Variants in KCNMA1 observed in about 807,000 individuals in gnomAD.
The protein encoded by KCNMA1 is Calcium-activated potassium channel subunit alpha-1.
KCNMA1 carries 29 observed loss-of-function variants against 140.0 expected under a neutral mutation model. The observed-to-expected ratio is 0.21, with a 90% CI of 0.15 to 0.28. The LOEUF is 0.28. Ranked by LOEUF, KCNMA1 falls within the 10% of genes least tolerant of loss-of-function variation. The probability of loss-of-function intolerance (pLI) is 1.00; values close to 1 mark genes in which losing one functional copy is unlikely to be tolerated. For missense variants in KCNMA1, 880 were observed against 1,602.2 expected (o/e 0.55, Z 7.70); for synonymous variants, 612 against 611.9 (o/e 1.00, Z 0.00).
At chr10:77,176,779 T>C (rs1420395156) in intron 5 of KCNMA1, among the ~76,000 whole-genome samples, 1 of 152,190 alleles carries the variant, frequency 6.6e-6, no homozygotes, top group Non-Finnish European at 1.5e-5. Flanking sequence ...GGCAGAACGA[T>C]GACCCTCAAA....
chr10:77,034,500 G>T (rs1285961017), intron 15 of KCNMA1, among the ~76,000 whole-genome samples: 1 of 152,172 alleles, frequency 6.6e-6, no homozygotes, highest in Non-Finnish European at 1.5e-5. Context: ...TCCCCAAGCG[G>T]CTTCTTTTTA....
intron 14 of KCNMA1, among the ~76,000 whole-genome samples, chr10:77,070,219 A>G (rs1261492176): frequency 6.6e-6 from 1 of 152,024 alleles, no homozygotes; most frequent in Admixed American, 6.6e-5. Context: ...TCACACCTAT[A>G]TAATCCCAGC....
At chr10:77,197,800 A>G (rs570514644) in intron 3 of KCNMA1, among the ~76,000 whole-genome samples, 1 of 152,308 alleles carries the variant, frequency 6.6e-6, no homozygotes, top group Admixed American at 6.5e-5. Flanking sequence ...AAGGACCTAC[A>G]TCAAAGAGTC....
rs150763349 is a variant in KCNMA1, at chr10:77,161,357, C to T, written c.808+22064G>A. On this transcript the variant is annotated intron_variant, in intron 5 of 27. Transcript: ENST00000286628. ...CAACCTCTTTGCCTCAAGCGATCCTCCTGCCTCAGCTTCCCAAGTAGTTAG... is the reference window on the plus strand; with the variant it reads ...CAACCTCTTTGCCTCAAGCGATCCTTCTGCCTCAGCTTCCCAAGTAGTTAG... Among the ~76,000 whole-genome samples the T allele has an allele frequency of 6.1e-3, 932 of 152,256 alleles. 3 individuals are homozygous for T. The highest frequency in any genetic ancestry group is 8.9e-3 in the Non-Finnish European group (607 of 68,012).
At chr10:77,126,343 C>T (rs546474810) in intron 5 of KCNMA1, among the ~76,000 whole-genome samples, 1 of 152,170 alleles carries the variant, frequency 6.6e-6, no homozygotes, top group African/African-American at 2.4e-5. Context: ...ATTATATGAT[C>T]AATTCTTAAA....
Position 77,198,923 on chromosome 10 carries a change from G to C in KCNMA1, c.603-14007C>G, listed in dbSNP as rs11002075. Among the ~76,000 whole-genome samples, 2,842 of 152,128 alleles carry C rather than the reference G, an allele frequency of 0.019. 189 individuals are homozygous for C. In the East Asian group the frequency reaches 0.23, roughly 12 times the overall value. On this transcript the variant is annotated intron_variant, in intron 3 of 27. Transcript: ENST00000286628. ...GGAGTTCAGCCTTCTGATTCCCTGC[G>C]TGTATGATGGAGGCCTTGATAGGGA...
rs1188251286 is a variant in KCNMA1 at position 76,885,266 on chromosome 10, AT to A, written c.*1999del. The stretch of plus-strand genomic sequence containing the variant: ...ATATATATATAATTATATATAGTTT[AT>A]ATAAAGAGATAGTTATACATAATAT... On this transcript the variant is annotated 3_prime_UTR_variant, in exon 28 of 28. Transcript: ENST00000286628. 1 of 568,534 alleles carries A rather than the reference AT, an allele frequency of 1.8e-6. No homozygotes were observed. 35.2% of individuals were successfully genotyped at this position (568,534 alleles called of 1,614,324 possible).
At chr10:77,448,233 T>C (rs2154518060) in intron 1 of KCNMA1, among the ~76,000 whole-genome samples, 1 of 152,322 alleles carries the variant, frequency 6.6e-6, no homozygotes, top group South Asian at 2.1e-4. Context: ...CTAGAAACAC[T>C]GTCTCCTGCA....
At chr10:77,566,147 A>T (rs2068227646) in intron 1 of KCNMA1, among the ~76,000 whole-genome samples, 1 of 152,214 alleles carries the variant, frequency 6.6e-6, no homozygotes, top group South Asian at 2.1e-4. Context: ...TTGGAAATTA[A>T]TGCCTAGAAA....
chr10:77,118,109 C>G (rs1029936556), intron 6 of KCNMA1, among the ~76,000 whole-genome samples: 2 of 152,238 alleles, frequency 1.3e-5, no homozygotes, highest in African/African-American at 4.8e-5. Flanking sequence ...AAGCCTCCAT[C>G]CCTGCCTAAT....
chr10:77,577,451 T>C (rs1257790539), intron 1 of KCNMA1, among the ~76,000 whole-genome samples: 1 of 152,140 alleles, frequency 6.6e-6, no homozygotes, highest in African/African-American at 2.4e-5. Flanking sequence ...AGACCGAGAC[T>C]CAGCCTCCTT....
At chr10:77,607,910 A>G (rs889909960) in intron 1 of KCNMA1, among the ~76,000 whole-genome samples, 17 of 152,034 alleles carry the variant, frequency 1.1e-4, no homozygotes, top group African/African-American at 4.1e-4. Context: ...CCTGCTCAAC[A>G]CTGCTAGCCA....
chr10:76,926,604 T>A (rs537290171), intron 23 of KCNMA1, among the ~76,000 whole-genome samples: 1 of 152,266 alleles, frequency 6.6e-6, no homozygotes, highest in South Asian at 2.1e-4. Flanking sequence ...AGTTCTCCCA[T>A]CCATAAAATG....
chr10:77,096,482 G>A (rs1479829164), intron 9 of KCNMA1, among the ~76,000 whole-genome samples: 2 of 152,182 alleles, frequency 1.3e-5, no homozygotes, highest in East Asian at 1.9e-4. Flanking sequence ...AAGCCAAAGA[G>A]AAGGGATGGC....
At chr10:77,551,002 T>TC (rs1190255184) in intron 1 of KCNMA1, among the ~76,000 whole-genome samples, 2 of 152,156 alleles carry the variant, frequency 1.3e-5, no homozygotes, top group East Asian at 1.9e-4. Flanking sequence ...GCTATTCCTA[T>TC]TTATTTTTTT....
chr10:77,391,196 G>C (rs2095807263), intron 2 of KCNMA1, among the ~76,000 whole-genome samples: 1 of 152,116 alleles, frequency 6.6e-6, no homozygotes, highest in South Asian at 2.1e-4. Flanking sequence ...CCAACCTCCA[G>C]TAAACAAGGA....
intron 1 of KCNMA1, among the ~76,000 whole-genome samples, chr10:77,504,549 G>A (rs2045134924): frequency 6.6e-6 from 1 of 151,990 alleles, no homozygotes; most frequent in Non-Finnish European, 1.5e-5. Context: ...CCTTCCACAA[G>A]CAGACAGTTT....
At chr10:77,434,957 A>G (rs914232195) in intron 1 of KCNMA1, among the ~76,000 whole-genome samples, 1 of 152,158 alleles carries the variant, frequency 6.6e-6, no homozygotes, top group African/African-American at 2.4e-5. Context: ...TAACTAAACA[A>G]AGATATCTTT....
intron 2 of KCNMA1, among the ~76,000 whole-genome samples, chr10:77,376,021 T>G (rs1048369055): frequency 3.3e-5 from 5 of 152,206 alleles, no homozygotes; most frequent in African/African-American, 1.2e-4. Flanking sequence ...TGCAATGAAC[T>G]TGGTATTTGT....
Sources: allele counts gnomAD v4.1 joint callset (sites outside exome capture counted in the v4.1 genomes callset), GRCh38; gene constraint gnomAD v4.1.1; transcripts MANE v1.5; gene names NCBI Gene and HGNC (gene_info 2026-07-23, HGNC 2026-07-21).